ABCA1: variants seen among roughly 807,000 people sequenced by gnomAD.
ABCA1 encodes phospholipid-transporting ATPase ABCA1.
Under a neutral mutation model 262.5 loss-of-function variants are expected in ABCA1, and 133 were observed. The observed-to-expected ratio is 0.51, with a 90% CI of 0.44 to 0.59. The LOEUF (loss-of-function observed/expected upper bound fraction) is 0.59. Ranked by LOEUF, ABCA1 falls within the 20% of genes least tolerant of loss-of-function variation. The pLI, the probability that ABCA1 is intolerant of heterozygous loss-of-function variation, is 0.00. For synonymous variants in ABCA1, 1,022 were observed against 1,043.5 expected, an observed-to-expected ratio of 0.98 and a Z score of 0.40; for missense variants, 2,452 against 2,777.5, an observed-to-expected ratio of 0.88 and a Z score of 2.63.
At chr9:104,802,371 G>A (rs1189113879) in intron 33 of ABCA1, among the ~76,000 whole-genome samples, 1 of 152,190 alleles carries the variant, frequency 6.6e-6, no homozygotes, top group East Asian at 1.9e-4. Context: ...GGGAGGACCT[G>A]GCCTGATTAC....
At chr9:104,796,914 T>A (rs1344222856) in intron 37 of ABCA1, among the ~76,000 whole-genome samples, 2 of 152,178 alleles carry the variant, frequency 1.3e-5, no homozygotes, top group African/African-American at 4.8e-5. Flanking sequence ...TGACAGTGTA[T>A]CAAGCAGTAA....
At position 104,785,592 on chromosome 9, in the gene ABCA1, G is replaced by A. The variant is rs369098049; in HGVS notation, c.6449C>T (p.Pro2150Leu). The change falls in exon 49 of 50, where the codon CCG becomes CTG. Residue 2150 changes from proline to leucine, a missense_variant. By Grantham distance (98) the Pro-to-Leu change is moderately conservative. Coordinates refer to ENST00000374736, the MANE Select transcript of ABCA1 (RefSeq NM_005502.4). ...GAAATCCTGGACAGGCTTCAGGTCCGGGTTGGACCCTGCTATTCGTACAAC... is the reference window on the plus strand; with the variant it reads ...GAAATCCTGGACAGGCTTCAGGTCCAGGTTGGACCCTGCTATTCGTACAAC... The part of the protein sequence containing the change: ...TIVVRIAGSN[P>L]DLKPVQDFFG... 81 of 1,613,970 alleles carry A rather than the reference G, an allele frequency of 5.0e-5. No individual in the cohort carries two copies. The highest frequency in any genetic ancestry group is 6.2e-5 in the Non-Finnish European group (73 of 1,179,988).
At chr9:104,830,868 C>T (rs1278595040) in intron 14 of ABCA1, 57 bp downstream of exon 14, 8 of 1,585,412 alleles carry the variant, frequency 5.0e-6, no homozygotes, top group Non-Finnish European at 6.9e-6. Context: ...CACATATATA[C>T]ACCCCCATCT....
At chr9:104,804,053 C>T (rs905949877) in intron 32 of ABCA1, among the ~76,000 whole-genome samples, 5 of 152,172 alleles carry the variant, frequency 3.3e-5, no homozygotes, top group African/African-American at 1.2e-4. Context: ...TGAAAGACCC[C>T]AACTGACCAA....
At chr9:104,808,001 A>C (rs1248793888) in intron 30 of ABCA1, among the ~76,000 whole-genome samples, 1 of 152,016 alleles carries the variant, frequency 6.6e-6, no homozygotes, top group African/African-American at 2.4e-5. Context: ...TGACCAGAAA[A>C]GTCACACTAA....
At chr9:104,864,071 G>A (rs896031974) in intron 5 of ABCA1, among the ~76,000 whole-genome samples, 56 of 152,330 alleles carry the variant, frequency 3.7e-4, no homozygotes, top group Middle Eastern at 3.4e-3. Context: ...CTTGCATGTT[G>A]TCTCTACCAG....
intron 5 of ABCA1, among the ~76,000 whole-genome samples, chr9:104,867,367 C>G (rs1045727334): frequency 6.6e-6 from 1 of 152,278 alleles, no homozygotes; most frequent in African/African-American, 2.4e-5. Flanking sequence ...GAGTAAGGTG[C>G]CCGGTAAAGG....
At position 104,827,083 on chromosome 9, in the gene ABCA1, G is replaced by A. The variant is rs138406955; in HGVS notation, c.2202C>T (p.Phe734=). The change falls in exon 16 of 50, where the codon TTC becomes TTT. Residue 734 remains phenylalanine (F), a synonymous_variant. Coordinates refer to ENST00000374736, the MANE Select transcript of ABCA1 (RefSeq NM_005502.4). Reference sequence around the variant, plus strand: ...CTCTGGAGAAGAGTGTGCTAATCAGGAAGCACTGCAGGATTGTCACCACAG... The same window carrying A: ...CTCTGGAGAAGAGTGTGCTAATCAGAAAGCACTGCAGGATTGTCACCACAG... The part of the protein sequence containing the change: ...VFAVVTILQC[F]LISTLFSRAN... The A allele has an allele frequency of 3.1e-6, 5 of 1,614,044 alleles. No homozygotes were observed. Among genetic ancestry groups the A allele is most frequent in the South Asian group, 1.1e-5 (1 of 91,076 alleles).
At chr9:104,885,488 G>A (rs1839086960) in intron 3 of ABCA1, among the ~76,000 whole-genome samples, 1 of 152,052 alleles carries the variant, frequency 6.6e-6, no homozygotes, top group Admixed American at 6.5e-5. Context: ...AAACACACAG[G>A]CTTGGGGTCT....
At chr9:104,834,015 C>T (rs1338794579) in intron 11 of ABCA1, among the ~76,000 whole-genome samples, 2 of 137,776 alleles carry the variant, frequency 1.5e-5, no homozygotes, top group African/African-American at 5.2e-5. Flanking sequence ...CTGGTTCTAC[C>T]GAATTGGAGT....
At chr9:104,815,597 T>TA (rs1009810253) in intron 25 of ABCA1, among the ~76,000 whole-genome samples, 2 of 151,556 alleles carry the variant, frequency 1.3e-5, no homozygotes, top group African/African-American at 2.4e-5. Flanking sequence ...TCACAGTGAT[T>TA]AAAAAAAAAT....
Position 104,796,107 on chromosome 9 carries a change from G to A in ABCA1, c.5328C>T (p.Phe1776=). 1 of 1,613,696 alleles carries A rather than the reference G, an allele frequency of 6.2e-7. No individual in the cohort carries two copies. Among genetic ancestry groups the A allele is most frequent in the Non-Finnish European group, 8.5e-7 (1 of 1,180,022 alleles). Residue 1776 remains phenylalanine, a synonymous_variant, in exon 39 of 50, where the codon TTC becomes TTT. Transcript: ENST00000374736. ...TGGCCACGCTGCCATTAATGCCAAT[G>A]AAGAGGTTCACGCTGGTGAGCACCA... ...AYVVLTSVNL[F]IGINGSVATF...
In ABCA1 at chr9:104,832,720, C is replaced by T. The variant is rs1329892244; in HGVS notation, c.1363G>A (p.Gly455Ser). 4 of 1,614,090 alleles carry T rather than the reference C, an allele frequency of 2.5e-6. No homozygotes were observed. The highest frequency in any genetic ancestry group is 3.4e-6 in the Non-Finnish European group (4 of 1,180,042). ...ATGTCTTGGGCTGTCCAATCTAAGC[C>T]ATCCAACTGCTGTTCCCAAAAGTGG... ...NDHFWEQQLD[G>S]LDWTAQDIVA... The change falls in exon 12 of 50, where the codon GGC becomes AGC. Residue 455 changes from glycine (G) to serine (S), a missense_variant. By Grantham distance (56) the Gly-to-Ser change is moderately conservative (BLOSUM62 0). This residue lies in a region of ABCA1 where 1,032 missense variants were observed against 1,089.7 expected (regional missense o/e 0.95). Coordinates refer to ENST00000374736, the MANE Select transcript of ABCA1 (RefSeq NM_005502.4).
chr9:104,909,333 A>C (rs1172932501), intron 1 of ABCA1, among the ~76,000 whole-genome samples: 1 of 152,168 alleles, frequency 6.6e-6, no homozygotes, highest in Non-Finnish European at 1.5e-5. Flanking sequence ...TGGGAAACAG[A>C]CAAATAATAG....
chr9:104,869,110 C>T (rs1837356706), intron 5 of ABCA1, among the ~76,000 whole-genome samples: 1 of 152,098 alleles, frequency 6.6e-6, no homozygotes, highest in Non-Finnish European at 1.5e-5. Flanking sequence ...TGAGCTGAGC[C>T]AGACGGGGTT....
chr9:104,860,557 AGGG>A (rs1836277115), intron 6 of ABCA1, among the ~76,000 whole-genome samples: 1 of 152,116 alleles, frequency 6.6e-6, no homozygotes. Flanking sequence ...GACACGAGAT[AGGG>A]GAGGAAGCAG....
intron 2 of ABCA1, among the ~76,000 whole-genome samples, chr9:104,896,580 G>A (rs1840218110): frequency 6.6e-6 from 1 of 151,868 alleles, no homozygotes; most frequent in Non-Finnish European, 1.5e-5. Flanking sequence ...AGGTAAGTGG[G>A]GGACAATGAG....
At chr9:104,891,514 T>C (rs1423859930) in intron 2 of ABCA1, among the ~76,000 whole-genome samples, 1 of 151,982 alleles carries the variant, frequency 6.6e-6, no homozygotes, top group Admixed American at 6.6e-5. Context: ...GAGAATCACT[T>C]GAACCCAGGA....
chr9:104,872,506 C>G (rs1299448738), intron 5 of ABCA1, among the ~76,000 whole-genome samples: 1 of 152,324 alleles, frequency 6.6e-6, no homozygotes, highest in East Asian at 1.9e-4. Context: ...TCTTGGACAA[C>G]AGACATTACC....
Sources: allele counts gnomAD v4.1 joint callset (sites outside exome capture counted in the v4.1 genomes callset), GRCh38; gene constraint gnomAD v4.1.1; regional missense constraint gnomAD v4.1.1; transcripts MANE v1.5; gene names NCBI Gene and HGNC (gene_info 2026-07-23, HGNC 2026-07-21).